RYR2: variants seen among roughly 807,000 people sequenced by gnomAD.
RYR2 encodes the protein cardiac muscle ryanodine receptor-calcium release channel.
In RYR2, 227 loss-of-function variants were observed where a neutral mutation model predicts 601.1. The observed-to-expected ratio is 0.38, with a 90% CI of 0.34 to 0.42. The LOEUF is 0.42. Among genes scored for constraint, RYR2 ranks in the 10% least tolerant of loss-of-function variants. RYR2 has a pLI of 1.00. For synonymous variants in RYR2, 2,223 were observed against 2,175.1 expected (o/e 1.02, Z -0.61); for missense variants, 4,646 against 6,156.5 (o/e 0.75, Z 8.21).
chr1:237,756,215 TA>T, intron 80 of RYR2, 72 bp from the exon 81 acceptor site: 1 of 976,814 alleles, frequency 1.0e-6, no homozygotes, highest in Non-Finnish European at 1.6e-6. Flanking sequence ...AAGAGATGAC[TA>T]AAAATATGGT....
chr1:237,661,126 T>C (rs1159773187), intron 56 of RYR2, among the ~76,000 whole-genome samples, 179 bp downstream of exon 56: 1 of 152,144 alleles, frequency 6.6e-6, no homozygotes, highest in Non-Finnish European at 1.5e-5. Flanking sequence ...GGTTAAATGA[T>C]GATTAAGTTA....
intron 27 of RYR2, among the ~76,000 whole-genome samples, chr1:237,555,964 G>C (rs1411402627): frequency 2.0e-5 from 3 of 151,888 alleles, no homozygotes; most frequent in Non-Finnish European, 4.4e-5. Flanking sequence ...GTCACTTAAG[G>C]GCATAAACTA....
intron 24 of RYR2, among the ~76,000 whole-genome samples, chr1:237,521,745 T>TAA (rs11301725): frequency 8.8e-6 from 1 of 113,276 alleles, no homozygotes; most frequent in Non-Finnish European, 2.0e-5. Flanking sequence ...ATTAAATACA[T>TAA]AAAAAAAAAT....
intron 25 of RYR2, among the ~76,000 whole-genome samples, chr1:237,538,588 A>G (rs968900026): frequency 2.0e-5 from 3 of 151,594 alleles, no homozygotes; most frequent in Non-Finnish European, 4.4e-5. Context: ...CCCGGCCAAC[A>G]TGGTGAAACC....
In RYR2 at chr1:237,659,978, T is replaced by A. The variant is rs770434040; in HGVS notation, c.8209-7T>A. 6 of 1,570,998 alleles carry A rather than the reference T, an allele frequency of 3.8e-6. No homozygotes were observed. The highest frequency in any genetic ancestry group is 5.2e-6 in the Non-Finnish European group (6 of 1,162,850). ...AAAACAATTTTTAATGTTTGCCTTT[T>A]TTTAAGTTGGCAAATGGATGGATTT... On this transcript the variant is annotated splice_polypyrimidine_tract_variant and splice_region_variant and intron_variant, in intron 54 of 104. Transcript: ENST00000366574.
Position 237,602,125 on chromosome 1 carries a change from T to C in RYR2, c.4683+14T>C. On this transcript the variant is annotated intron_variant, in intron 35 of 104. Coordinates refer to ENST00000366574, the MANE Select transcript of RYR2 (RefSeq NM_001035.3). Reference sequence around the variant, plus strand: ...GGAAGAATAAAGGTAATAAAACTTATTCCTGGTATTGTATTTGTATTTTTT... The same window carrying C: ...GGAAGAATAAAGGTAATAAAACTTACTCCTGGTATTGTATTTGTATTTTTT... 1 of 1,589,794 alleles carries C rather than the reference T, an allele frequency of 6.3e-7. No individual in the cohort carries two copies. The highest frequency in any genetic ancestry group is 8.6e-7 in the Non-Finnish European group (1 of 1,160,942).
chr1:237,752,558 T>C (rs1057132312), intron 80 of RYR2, among the ~76,000 whole-genome samples: 13 of 151,992 alleles, frequency 8.6e-5, no homozygotes, highest in Admixed American at 8.5e-4. Flanking sequence ...TACAGAAATG[T>C]AGCTAATCTA....
At chr1:237,427,912 G>A (rs1446180779) in intron 12 of RYR2, among the ~76,000 whole-genome samples, 1 of 149,654 alleles carries the variant, frequency 6.7e-6, no homozygotes, top group African/African-American at 2.5e-5. Context: ...GTGCAAGATA[G>A]TATTCGTAAA....
chr1:237,104,775 A>G (rs772360995), intron 1 of RYR2, among the ~76,000 whole-genome samples: 26 of 152,296 alleles, frequency 1.7e-4, no homozygotes, highest in Non-Finnish European at 2.9e-4. Context: ...CCCTACGGAT[A>G]GGAAAGGAGT....
At chr1:237,043,071 A>G (rs1660119564) in intron 1 of RYR2, among the ~76,000 whole-genome samples, 1 of 152,186 alleles carries the variant, frequency 6.6e-6, no homozygotes, top group Admixed American at 6.5e-5. Context: ...TCACGGAGCG[A>G]AGACGTTGGT....
At chr1:237,448,292 A>C (rs914204011) in intron 14 of RYR2, among the ~76,000 whole-genome samples, 1 of 152,052 alleles carries the variant, frequency 6.6e-6, no homozygotes, top group Non-Finnish European at 1.5e-5. Flanking sequence ...TTCAGTTTCC[A>C]AATATTCGGG....
At position 237,820,982 on chromosome 1, in the gene RYR2, C is replaced by G. The variant is rs184263282; in HGVS notation, c.14590+1790C>G. Among the ~76,000 whole-genome samples the G allele has an allele frequency of 3.7e-3, 566 of 152,324 alleles. 2 individuals carry two copies. Among genetic ancestry groups the G allele is most frequent in the Non-Finnish European group, 5.5e-3 (371 of 68,028 alleles). ...CAGACTGCCTCTCTAGATTCCTCCT[C>G]TCTGGGCAGGGCATCTCTGGAAAAA... On this transcript the variant is annotated intron_variant, in intron 101 of 104. Coordinates refer to ENST00000366574, the MANE Select transcript of RYR2 (RefSeq NM_001035.3).
intron 71 of RYR2, among the ~76,000 whole-genome samples, chr1:237,712,367 G>A (rs568753788): frequency 3.3e-5 from 5 of 152,144 alleles, no homozygotes; most frequent in Non-Finnish European, 5.9e-5. Flanking sequence ...TGAGGCAGGG[G>A]TCAGTGTGGG....
At chr1:237,341,295 A>G (rs559507168) in intron 3 of RYR2, among the ~76,000 whole-genome samples, 75 of 152,308 alleles carry the variant, frequency 4.9e-4, no homozygotes, top group African/African-American at 1.8e-3. Flanking sequence ...CTATTCTGCA[A>G]TTTATGAGTG....
intron 56 of RYR2, among the ~76,000 whole-genome samples, chr1:237,666,055 T>C (rs537560750): frequency 6.6e-6 from 1 of 152,318 alleles, no homozygotes; most frequent in Non-Finnish European, 1.5e-5. Flanking sequence ...AGTGCATTGC[T>C]GAATACTATA....
chr1:237,544,241 G>A (rs1415944163), intron 25 of RYR2, among the ~76,000 whole-genome samples: 2 of 151,972 alleles, frequency 1.3e-5, no homozygotes, highest in African/African-American at 4.8e-5. Context: ...TAATTTTATA[G>A]GATGATTGAT....
At chr1:237,791,347 T>C in intron 92 of RYR2, 82 bp from the exon 93 acceptor site, 1 of 759,776 alleles carries the variant, frequency 1.3e-6, no homozygotes, top group South Asian at 1.5e-5. Context: ...TTGGGGTAAA[T>C]GAATGAATGC....
chr1:237,064,642 A>G (rs1395812353), intron 1 of RYR2, among the ~76,000 whole-genome samples: 1 of 151,766 alleles, frequency 6.6e-6, no homozygotes, highest in African/African-American at 2.4e-5. Context: ...CATCTCATTG[A>G]GGCTTATTTG....
At chr1:237,603,061 G>C (rs531160814) in intron 35 of RYR2, among the ~76,000 whole-genome samples, 1 of 152,304 alleles carries the variant, frequency 6.6e-6, no homozygotes, top group East Asian at 1.9e-4. Context: ...CCAGTGCTCT[G>C]AATGTCAAAG....
Sources: allele counts gnomAD v4.1 joint callset (sites outside exome capture counted in the v4.1 genomes callset), GRCh38; gene constraint gnomAD v4.1.1; transcripts MANE v1.5; gene names NCBI Gene and HGNC (gene_info 2026-07-23, HGNC 2026-07-21).